The following ITPR1 variants were observed in gnomAD, a reference collection of about 807,000 sequenced individuals.
ITPR1 encodes the protein inositol 1,4,5-trisphosphate-gated calcium channel ITPR1.
In ITPR1, 96 loss-of-function variants were observed where a neutral mutation model predicts 318.4. The observed-to-expected ratio is 0.30, with a 90% CI of 0.26 to 0.36. The LOEUF (loss-of-function observed/expected upper bound fraction) is 0.36. Ranked by LOEUF, ITPR1 falls within the 10% of genes least tolerant of loss-of-function variation. The pLI is 1.00. For synonymous variants in ITPR1, 1,312 were observed against 1,289.9 expected, an observed-to-expected ratio of 1.02 and a Z score of -0.37; for missense variants, 2,440 against 3,460.2, an observed-to-expected ratio of 0.71 and a Z score of 7.40.
chr3:4,619,492 CCT>C (rs2092513161), intron 4 of ITPR1, among the ~76,000 whole-genome samples: 1 of 150,234 alleles, frequency 6.7e-6, no homozygotes, highest in Admixed American at 6.7e-5. Context: ...CTCACTCCTC[CCT>C]CTCTCCTTTC....
chr3:4,667,263 T>G, intron 17 of ITPR1, 114 bp from the exon 18 acceptor site: 1 of 727,966 alleles, frequency 1.4e-6, no homozygotes, highest in Non-Finnish European at 2.2e-6. Context: ...TATACTGTAA[T>G]GTCTCTTAGG....
At chr3:4,677,716 T>C (rs755700003) in intron 24 of ITPR1, among the ~76,000 whole-genome samples, 1 of 152,214 alleles carries the variant, frequency 6.6e-6, no homozygotes, top group Non-Finnish European at 1.5e-5. Context: ...GGTTTATTTT[T>C]GTTGTAATAT....
intron 44 of ITPR1, among the ~76,000 whole-genome samples, chr3:4,757,751 C>T (rs546752138): frequency 2.5e-4 from 38 of 152,294 alleles, no homozygotes; most frequent in African/African-American, 8.4e-4. Context: ...GCTTAGCGCC[C>T]GGCAAATCGG....
intron 34 of ITPR1, among the ~76,000 whole-genome samples, chr3:4,698,736 A>T (rs2094597299): frequency 6.6e-6 from 1 of 152,218 alleles, no homozygotes; most frequent in Non-Finnish European, 1.5e-5. Context: ...CAGACTGTCT[A>T]GTTTTAAGGT....
In ITPR1 at chr3:4,783,910, C is replaced by T. The variant is rs774120932; in HGVS notation, c.6605C>T (p.Ala2202Val). ...EALEFYAKHTAQIEIVRLDRT... is the reference protein window; with the variant it reads ...EALEFYAKHTVQIEIVRLDRT... Reference sequence around the variant, plus strand: ...CTGGAGTTTTATGCCAAGCACACGGCGCAGATAGAGGTAAAAGCTGAGTAA... The same window carrying T: ...CTGGAGTTTTATGCCAAGCACACGGTGCAGATAGAGGTAAAAGCTGAGTAA... The change falls in exon 51 of 62, where the codon GCG becomes GTG. Residue 2202 changes from alanine (A) to valine (V), a missense_variant. Coordinates refer to ENST00000649015, the MANE Select transcript of ITPR1 (RefSeq NM_001378452.1). The T allele has an allele frequency of 8.7e-6, 14 of 1,603,356 alleles. No individual in the cohort carries two copies. The highest frequency in any genetic ancestry group is 2.2e-5 in the East Asian group (1 of 44,464).
chr3:4,644,050 C>G (rs2093398859), intron 7 of ITPR1, 86 bp from the exon 8 acceptor site: 3 of 822,494 alleles, frequency 3.6e-6, no homozygotes, highest in Non-Finnish European at 6.2e-6. Context: ...TCAGCACAGA[C>G]TCATATGTCT....
Position 4,639,405 on chromosome 3 carries a change from A to T in ITPR1, c.301A>T (p.Lys101Ter). 1 of 1,573,486 alleles carries T rather than the reference A, an allele frequency of 6.4e-7. No individual in the cohort carries two copies. The highest frequency in any genetic ancestry group is 1.2e-5 in the South Asian group (1 of 85,138). ...KLHHAADLEK[K>*]QNETENRKLL... ...ACAGCACGCTGCAGACTTGGAAAAG[A>T]AGCAGAATGAGACAGAAAACAGGAA... The change falls in exon 6 of 62, where the codon AAG (lysine) becomes TAG (stop). Residue 101 changes from lysine to a stop codon, truncating the protein, a stop_gained. Transcript: ENST00000649015. LOFTEE classifies it high-confidence loss of function.
At chr3:4,704,420 CA>C (rs777414369) in intron 36 of ITPR1, among the ~76,000 whole-genome samples, 1 of 152,054 alleles carries the variant, frequency 6.6e-6, no homozygotes, top group Non-Finnish European at 1.5e-5. Flanking sequence ...CTCAAAAAAA[CA>C]AAAAAATCCC....
At chr3:4,642,320 TAAG>T (rs1338472735) in intron 7 of ITPR1, 69 bp downstream of exon 7, 4 of 1,249,420 alleles carry the variant, frequency 3.2e-6, no homozygotes, top group South Asian at 2.5e-5. Flanking sequence ...ATATTAGAGT[TAAG>T]GAGGAGACGT....
At position 4,597,755 on chromosome 3, in the gene ITPR1, G is replaced by T. The variant is rs1575657600; in HGVS notation, c.164-30008G>T. Among the ~76,000 whole-genome samples the T allele has an allele frequency of 1.3e-5, 2 of 152,214 alleles. 1 individual carries two copies. The highest frequency in any genetic ancestry group is 4.1e-4 in the South Asian group (2 of 4,828). ...ACTTTGATCTGGAAACTGCAACCTG[G>T]TGTGATATGTGATCCTATTTAGCCA... On this transcript the variant is annotated intron_variant, in intron 4 of 61. Transcript: ENST00000649015.
chr3:4,504,765 C>G (rs1341873037), intron 2 of ITPR1, among the ~76,000 whole-genome samples: 3 of 152,112 alleles, frequency 2.0e-5, no homozygotes, highest in Admixed American at 1.3e-4. Flanking sequence ...GTAAAGGGAG[C>G]CTTTTTCTCC....
At chr3:4,564,161 G>A (rs564609500) in intron 4 of ITPR1, among the ~76,000 whole-genome samples, 12 of 152,188 alleles carry the variant, frequency 7.9e-5, no homozygotes, top group African/African-American at 2.6e-4. Flanking sequence ...GGCTGGTCTC[G>A]AGCTCCTGAC....
In ITPR1 at chr3:4,703,172, T is replaced by C. The variant is rs940492966; in HGVS notation, c.4657+222T>C. Among the ~76,000 whole-genome samples the C allele has an allele frequency of 4.6e-5, 7 of 152,188 alleles. 1 individual carries two copies. Among genetic ancestry groups the C allele is most frequent in the South Asian group, 4.1e-4 (2 of 4,826 alleles). ...AAGAGCCAGTGAGTCCTAAGTCAGA[T>C]AGGCCTAGATAAACAAGCTTCCATG... On this transcript the variant is annotated intron_variant, in intron 36 of 61. Coordinates refer to ENST00000649015, the MANE Select transcript of ITPR1 (RefSeq NM_001378452.1).
chr3:4,695,563 AG>A (rs1457032845), intron 33 of ITPR1, among the ~76,000 whole-genome samples: 1 of 152,152 alleles, frequency 6.6e-6, no homozygotes, highest in African/African-American at 2.4e-5. Flanking sequence ...ACCTCCCCCA[AG>A]GGCTGTCTCC....
intron 4 of ITPR1, among the ~76,000 whole-genome samples, chr3:4,625,668 T>C (rs1276724983): frequency 6.6e-6 from 1 of 152,212 alleles, no homozygotes; most frequent in Admixed American, 6.5e-5. Flanking sequence ...ACCATTTTCC[T>C]GCCTCAGCCT....
At chr3:4,557,055 T>A (rs1055931561) in intron 4 of ITPR1, among the ~76,000 whole-genome samples, 4 of 152,152 alleles carry the variant, frequency 2.6e-5, no homozygotes, top group African/African-American at 9.7e-5. Flanking sequence ...ACCAATTTAG[T>A]GATTGACAAT....
chr3:4,748,307 A>G (rs2044253573), intron 44 of ITPR1, among the ~76,000 whole-genome samples: 1 of 152,212 alleles, frequency 6.6e-6, no homozygotes, highest in Non-Finnish European at 1.5e-5. Context: ...TGCCTACTAG[A>G]GAGCAGTGTC....
At chr3:4,601,196 A>G (rs932566865) in intron 4 of ITPR1, among the ~76,000 whole-genome samples, 1 of 27,020 alleles carries the variant, frequency 3.7e-5, no homozygotes, top group Non-Finnish European at 9.5e-5. Context: ...TTTTTTTGGC[A>G]CTGGGGCAAC....
intron 43 of ITPR1, among the ~76,000 whole-genome samples, chr3:4,733,995 A>G (rs2043107426): frequency 6.6e-6 from 1 of 152,240 alleles, no homozygotes; most frequent in Non-Finnish European, 1.5e-5. Flanking sequence ...GGGCAGCTTC[A>G]GATCCTTGGT....
Sources: allele counts gnomAD v4.1 joint callset (sites outside exome capture counted in the v4.1 genomes callset), GRCh38; gene constraint gnomAD v4.1.1; transcripts MANE v1.5; gene names NCBI Gene and HGNC (gene_info 2026-07-23, HGNC 2026-07-21).